PTPRM: variants seen among roughly 807,000 people sequenced by gnomAD.
PTPRM encodes receptor-type tyrosine-protein phosphatase mu.
A neutral mutation model predicts 186.7 loss-of-function variants in PTPRM; 47 were observed. That is an observed-to-expected ratio of 0.25 (90% CI 0.20 to 0.32). PTPRM has a LOEUF of 0.32. Among genes scored for constraint, PTPRM ranks in the 10% least tolerant of loss-of-function variants. The pLI, the probability that PTPRM is intolerant of heterozygous loss-of-function variation, is 1.00. For synonymous variants in PTPRM, 668 were observed against 674.9 expected, an observed-to-expected ratio of 0.99 and a Z score of 0.16; for missense variants, 1,494 against 1,865.0, an observed-to-expected ratio of 0.80 and a Z score of 3.66.
intron 7 of PTPRM, among the ~76,000 whole-genome samples, chr18:8,066,328 T>C (rs541539419): frequency 6.6e-6 from 1 of 152,306 alleles, no homozygotes; most frequent in South Asian, 2.1e-4. Context: ...ATTTCCTTTA[T>C]GTTATTGTAT....
chr18:7,697,566 T>C (rs2039871817), intron 1 of PTPRM, among the ~76,000 whole-genome samples: 1 of 152,262 alleles, frequency 6.6e-6, no homozygotes, highest in African/African-American at 2.4e-5. Context: ...ACTGAATTAC[T>C]ACTGTTCACT....
intron 2 of PTPRM, among the ~76,000 whole-genome samples, chr18:7,844,928 A>G (rs2046518645): frequency 6.6e-6 from 1 of 152,204 alleles, no homozygotes; most frequent in South Asian, 2.1e-4. Flanking sequence ...CAAAATTCAC[A>G]TTCATCAATC....
intron 1 of PTPRM, among the ~76,000 whole-genome samples, chr18:7,584,847 A>G (rs945064697): frequency 1.3e-5 from 2 of 152,218 alleles, no homozygotes; most frequent in African/African-American, 4.8e-5. Context: ...GTACCCATTT[A>G]TAAGTCCTGT....
At chr18:7,621,314 T>G (rs547619998) in intron 1 of PTPRM, among the ~76,000 whole-genome samples, 1 of 152,332 alleles carries the variant, frequency 6.6e-6, no homozygotes, top group Admixed American at 6.5e-5. Flanking sequence ...TAAAAGAGTA[T>G]TTTTTAAAGA....
At chr18:7,952,945 G>A (rs1306138870) in intron 6 of PTPRM, among the ~76,000 whole-genome samples, 1 of 152,180 alleles carries the variant, frequency 6.6e-6, no homozygotes, top group African/African-American at 2.4e-5. Flanking sequence ...GGCGGAGGCT[G>A]CAGTGAGCCA....
rs8087746 is a variant in PTPRM, at chr18:7,571,021, C to T, written c.73+3130C>T. 7.4e-3 allele frequency among the ~76,000 whole-genome samples: 1,114 copies of T among 151,338 alleles called. 13 individuals are homozygous for T. The highest frequency in any genetic ancestry group is 0.026 in the African/African-American group (1,068 of 41,200). Reference sequence around the variant, plus strand: ...TGGCACGATCTTGGCTCACTGCAACCTCCACCTCCCGGGTTCGAGCGATTC... The same window carrying T: ...TGGCACGATCTTGGCTCACTGCAACTTCCACCTCCCGGGTTCGAGCGATTC... On this transcript the variant is annotated intron_variant, in intron 1 of 32. Transcript: ENST00000580170.
At chr18:8,255,868 C>T (rs987274478) in intron 19 of PTPRM, among the ~76,000 whole-genome samples, 2 of 151,950 alleles carry the variant, frequency 1.3e-5, no homozygotes, top group African/African-American at 4.8e-5. Context: ...GTGCCATGGC[C>T]GCAGGGAGAA....
intron 14 of PTPRM, among the ~76,000 whole-genome samples, chr18:8,159,785 C>T (rs1000018843): frequency 1.3e-5 from 2 of 152,078 alleles, no homozygotes; most frequent in African/African-American, 4.8e-5. Context: ...ATGGAGTATA[C>T]CGTCAGTAAA....
intron 2 of PTPRM, among the ~76,000 whole-genome samples, chr18:7,776,491 A>T (rs563836036): frequency 2.5e-4 from 38 of 150,422 alleles, no homozygotes; most frequent in African/African-American, 9.3e-4. Context: ...AGAACTGAAA[A>T]TACAGTTTTT....
At position 8,289,459 on chromosome 18, in the gene PTPRM, CAT is replaced by C. The variant is rs1428405437; in HGVS notation, c.2755-6901_2755-6900del. On this transcript the variant is annotated intron_variant, in intron 19 of 32. Transcript: ENST00000580170. Reference sequence around the variant, plus strand: ...GTATATATACGTATATATGTATATACATATATATACACACATATGTATATATA... The same window carrying C: ...GTATATATACGTATATATGTATATACATATATACACACATATGTATATATA... Among the ~76,000 whole-genome samples the C allele has an allele frequency of 7.4e-3, 573 of 77,154 alleles. 16 individuals are homozygous for C. The Middle Eastern group carries it at 0.081, about 11-fold the overall frequency. The allele number at this position is 77,154 out of a possible 152,430, so 50.6% of individuals were successfully genotyped here.
intron 7 of PTPRM, among the ~76,000 whole-genome samples, chr18:8,056,714 G>A (rs1442464407): frequency 6.6e-6 from 1 of 150,546 alleles, no homozygotes; most frequent in African/African-American, 2.5e-5. Flanking sequence ...TTCGGAGCCA[G>A]TATAGGCCCA....
At chr18:7,964,575 C>T (rs1183629074) in intron 7 of PTPRM, among the ~76,000 whole-genome samples, 3 of 152,086 alleles carry the variant, frequency 2.0e-5, no homozygotes, top group African/African-American at 7.2e-5. Context: ...TGGTGGCTCC[C>T]GAATGAATCC....
chr18:8,297,751 C>T (rs958565158), intron 20 of PTPRM, among the ~76,000 whole-genome samples: 1 of 152,300 alleles, frequency 6.6e-6, no homozygotes, highest in Non-Finnish European at 1.5e-5. Flanking sequence ...ACATATGACA[C>T]AAAACGTCCC....
intron 3 of PTPRM, among the ~76,000 whole-genome samples, chr18:7,905,059 T>C (rs1160991692): frequency 6.6e-6 from 1 of 152,150 alleles, no homozygotes; most frequent in African/African-American, 2.4e-5. Flanking sequence ...AATGGCACAA[T>C]CTCGGCTCAC....
At chr18:7,601,062 G>A (rs2037389842) in intron 1 of PTPRM, among the ~76,000 whole-genome samples, 1 of 152,202 alleles carries the variant, frequency 6.6e-6, no homozygotes, top group Non-Finnish European at 1.5e-5. Flanking sequence ...CTGCATTGGG[G>A]CTGCAGAAGC....
intron 14 of PTPRM, among the ~76,000 whole-genome samples, chr18:8,178,642 C>T (rs1172946712): frequency 1.3e-5 from 2 of 152,040 alleles, no homozygotes; most frequent in African/African-American, 2.4e-5. Flanking sequence ...AAAAAACTAG[C>T]TGGGCATGGT....
At chr18:8,005,984 A>AT (rs1219305570) in intron 7 of PTPRM, among the ~76,000 whole-genome samples, 1 of 151,788 alleles carries the variant, frequency 6.6e-6, no homozygotes, top group Non-Finnish European at 1.5e-5. Context: ...CGGGAACCTA[A>AT]TTTATTTGGC....
At chr18:7,702,376 A>G (rs936296990) in intron 1 of PTPRM, among the ~76,000 whole-genome samples, 3 of 152,054 alleles carry the variant, frequency 2.0e-5, no homozygotes, top group African/African-American at 7.2e-5. Context: ...TTTTAATGAT[A>G]GCCATTCTAA....
intron 14 of PTPRM, among the ~76,000 whole-genome samples, chr18:8,192,614 A>C (rs2146724119): frequency 6.6e-6 from 1 of 152,346 alleles, no homozygotes; most frequent in African/African-American, 2.4e-5. Flanking sequence ...AAAAATCAAA[A>C]ATACTGAAAA....
Sources: gnomAD v4.1 joint callset for allele counts (sites outside exome capture counted in the v4.1 genomes callset) on GRCh38, gnomAD v4.1.1 for gene constraint, MANE v1.5 for transcripts, NCBI Gene and HGNC (gene_info 2026-07-23, HGNC 2026-07-21) for gene names.